Variants in SRGAP2 observed in about 807,000 individuals in gnomAD.
The protein encoded by SRGAP2 is SLIT-ROBO Rho GTPase activating protein 2.
In SRGAP2, 15 loss-of-function variants were observed where a neutral mutation model predicts 57.2. That is an observed-to-expected ratio of 0.26 (90% CI 0.18 to 0.40). SRGAP2 has a LOEUF of 0.40. Ranked by LOEUF, SRGAP2 falls within the 10% of genes least tolerant of loss-of-function variation. The probability of loss-of-function intolerance (pLI) is 1.00; values close to 1 mark genes in which losing one functional copy is unlikely to be tolerated. For missense variants in SRGAP2, 520 were observed against 669.6 expected, an observed-to-expected ratio of 0.78 and a Z score of 2.47; for synonymous variants, 249 against 248.0, an observed-to-expected ratio of 1.00 and a Z score of -0.04.
In SRGAP2 at chr1:206,461,628, G is replaced by A. The variant is rs1464121969; in HGVS notation, c.*208G>A. On this transcript the variant is annotated 3_prime_UTR_variant, in exon 23 of 23. Transcript: ENST00000573034. ...CCACTGCCCTCTGCTTCCCCCAGTC[G>A]TCGTAATTCAGCCAGCTGCAGTCCG... The A allele has an allele frequency of 1.3e-5, 7 of 559,004 alleles. No homozygotes were observed. Among genetic ancestry groups the A allele is most frequent in the Non-Finnish European group, 1.9e-5 (6 of 316,422 alleles). The allele number at this position is 559,004 out of a possible 1,614,324, so 34.6% of individuals were successfully genotyped here.
At chr1:206,411,333 C>A (rs1553359536) in intron 10 of SRGAP2, among the ~76,000 whole-genome samples, 3 of 152,144 alleles carry the variant, frequency 2.0e-5, no homozygotes, top group African/African-American at 7.2e-5. Context: ...CACTGGGGCA[C>A]TGAGTGACAC....
At chr1:206,352,841 A>G (rs1457915991) in intron 4 of SRGAP2, among the ~76,000 whole-genome samples, 1 of 151,874 alleles carries the variant, frequency 6.6e-6, no homozygotes, top group African/African-American at 2.4e-5. Flanking sequence ...TTTTAAAGAG[A>G]TGGAGTCTCT....
intron 4 of SRGAP2, among the ~76,000 whole-genome samples, chr1:206,361,546 T>G (rs1188248019): frequency 2.6e-5 from 4 of 152,082 alleles, no homozygotes; most frequent in Non-Finnish European, 4.4e-5. Context: ...GATATCCTTT[T>G]CTAGCTGACT....
At chr1:206,211,801 CTT>C (rs1261552268) in intron 2 of SRGAP2, among the ~76,000 whole-genome samples, 129 of 120,112 alleles carry the variant, frequency 1.1e-3, no homozygotes, top group African/African-American at 4.0e-3. Context: ...CTAAATGACT[CTT>C]TTCATCTTGC....
chr1:206,355,643 A>G (rs1201923084), intron 4 of SRGAP2, among the ~76,000 whole-genome samples: 1 of 152,150 alleles, frequency 6.6e-6, no homozygotes, highest in African/African-American at 2.4e-5. Context: ...ACTTTTTGTC[A>G]TCTTTGTACC....
intron 3 of SRGAP2, among the ~76,000 whole-genome samples, chr1:206,340,488 A>T (rs534022664): frequency 6.6e-6 from 1 of 151,982 alleles, no homozygotes; most frequent in East Asian, 1.9e-4. Flanking sequence ...GTGTGTATGT[A>T]AAGTGCTATA....
At chr1:206,291,084 G>GATTCTTTTT (rs1462574795) in intron 2 of SRGAP2, among the ~76,000 whole-genome samples, 1 of 151,420 alleles carries the variant, frequency 6.6e-6, no homozygotes, top group Admixed American at 6.6e-5. Context: ...GGAATTCGGG[G>GATTCTTTTT]ATTCTTTTTG....
intron 13 of SRGAP2, among the ~76,000 whole-genome samples, chr1:206,422,477 G>A (rs558476761): frequency 1.8e-4 from 27 of 152,146 alleles, no homozygotes; most frequent in Admixed American, 3.3e-4. Context: ...AAACTAGAGA[G>A]GAATGGAGTG....
intron 2 of SRGAP2, among the ~76,000 whole-genome samples, chr1:206,268,289 A>G (rs1312154842): frequency 1.5e-5 from 2 of 129,422 alleles, no homozygotes; most frequent in African/African-American, 5.9e-5. Flanking sequence ...CCTGTGTCCA[A>G]GTGTTCTCAT....
intron 2 of SRGAP2, among the ~76,000 whole-genome samples, chr1:206,247,258 G>T (rs1448264835): frequency 6.6e-6 from 1 of 152,104 alleles, no homozygotes; most frequent in Non-Finnish European, 1.5e-5. Flanking sequence ...GGTCATTTCT[G>T]TGAAGATACT....
At chr1:206,228,808 G>A (rs1238260231) in intron 2 of SRGAP2, among the ~76,000 whole-genome samples, 2 of 148,342 alleles carry the variant, frequency 1.3e-5, no homozygotes, top group African/African-American at 5.2e-5. Context: ...CCCTAGCAGG[G>A]TAATTCCATC....
chr1:206,420,047 A>C (rs1187385550), intron 12 of SRGAP2, among the ~76,000 whole-genome samples: 1 of 152,068 alleles, frequency 6.6e-6, no homozygotes, highest in Non-Finnish European at 1.5e-5. Context: ...GAGCTGTCGG[A>C]GAGCAAGGTA....
chr1:206,462,172 G>A lies in SRGAP2; in HGVS notation c.*752G>A, dbSNP rs1664315822. On this transcript the variant is annotated 3_prime_UTR_variant, in exon 23 of 23. Transcript: ENST00000573034. ...TTCTCTCTGTGTTCTTTCCATTGAT[G>A]TGAATTGGTCATTGGTGTTTGCTCT... is the stretch of plus-strand genomic sequence containing the variant. The A allele has an allele frequency of 6.6e-6, 1 of 152,578 alleles. No homozygotes were observed. Among genetic ancestry groups the A allele is most frequent in the African/African-American group, 2.4e-5 (1 of 41,436 alleles). The allele number at this position is 152,578 out of a possible 1,614,324, so 9.5% of individuals were successfully genotyped here. A position where few individuals can be genotyped will look rare whatever the true frequency, so the allele number is the denominator to read the frequency against.
chr1:206,462,862 C>G lies in SRGAP2; in HGVS notation c.*1442C>G, dbSNP rs146189267. 2.6e-5 allele frequency: 4 copies of G among 152,332 alleles called. No individual in the cohort carries two copies. Among genetic ancestry groups the G allele is most frequent in the Middle Eastern group, 3.4e-3 (1 of 294 alleles). The allele number at this position is 152,332 out of a possible 1,614,324, so 9.4% of individuals were successfully genotyped here. A position where few individuals can be genotyped will look rare whatever the true frequency, so the allele number is the denominator to read the frequency against. ...ACCTGGTGCCTGTGCTCCTGGCCCC[C>G]CTAGCATCATGCTATCCCAGGAGTA... On this transcript the variant is annotated 3_prime_UTR_variant, in exon 23 of 23. Transcript: ENST00000573034.
intron 3 of SRGAP2, among the ~76,000 whole-genome samples, chr1:206,317,939 T>C (rs1553326474): frequency 6.6e-6 from 1 of 151,430 alleles, no homozygotes; most frequent in East Asian, 1.9e-4. Flanking sequence ...TCGAACAAAC[T>C]AGGATTATCT....
intron 13 of SRGAP2, among the ~76,000 whole-genome samples, chr1:206,427,065 C>T (rs1438474790): frequency 1.3e-5 from 2 of 151,304 alleles, no homozygotes; most frequent in African/African-American, 4.9e-5. Flanking sequence ...GAAGCATTGC[C>T]CCAATGGTTT....
chr1:206,286,770 G>T (rs1328078172), intron 2 of SRGAP2, among the ~76,000 whole-genome samples: 5 of 150,298 alleles, frequency 3.3e-5, no homozygotes, highest in African/African-American at 5.0e-5. Context: ...TGCTTCCAGC[G>T]AAGGGAAGCA....
chr1:206,418,977 C>T (rs1044551779), intron 11 of SRGAP2, among the ~76,000 whole-genome samples: 3 of 151,718 alleles, frequency 2.0e-5, no homozygotes, highest in African/African-American at 7.3e-5. Flanking sequence ...CACCCCACCA[C>T]ACACACATCC....
At chr1:206,242,204 G>T in intron 2 of SRGAP2, among the ~76,000 whole-genome samples, 1 of 150,714 alleles carries the variant, frequency 6.6e-6, no homozygotes, top group South Asian at 2.1e-4. Context: ...GTGGTGGTTT[G>T]GGTTTGTCCC....
Sources: allele counts gnomAD v4.1 joint callset (sites outside exome capture counted in the v4.1 genomes callset), GRCh38; gene constraint gnomAD v4.1.1; transcripts MANE v1.5; gene names NCBI Gene and HGNC (gene_info 2026-07-23, HGNC 2026-07-21).